The following AUTS2 variants were observed in gnomAD, a reference collection of about 807,000 sequenced individuals.
AUTS2 encodes the protein activator of transcription and developmental regulator AUTS2, also known as autism susceptibility gene 2 protein.
In AUTS2, 17 loss-of-function variants were observed where a neutral mutation model predicts 112.4. The ratio of observed to expected loss-of-function variants is 0.15; its 90% CI spans 0.10 to 0.23. The LOEUF (loss-of-function observed/expected upper bound fraction) is 0.23, where lower values mean the gene tolerates loss of function less well. Among genes scored for constraint, AUTS2 ranks in the 10% least tolerant of loss-of-function variants. The probability of loss-of-function intolerance (pLI) is 1.00; values close to 1 mark genes in which losing one functional copy is unlikely to be tolerated. For missense variants in AUTS2, 1,510 were observed against 1,701.6 expected (o/e 0.89, Z 1.98); for synonymous variants, 751 against 702.7 (o/e 1.07, Z -1.09).
intron 2 of AUTS2, among the ~76,000 whole-genome samples, chr7:70,099,775 T>G (rs1296872746): frequency 6.6e-6 from 1 of 152,202 alleles, no homozygotes. Context: ...AACATTTTCT[T>G]GTAGTATTTC....
chr7:69,631,814 C>T (rs141336263), intron 1 of AUTS2, among the ~76,000 whole-genome samples: 2 of 152,316 alleles, frequency 1.3e-5, no homozygotes, highest in Non-Finnish European at 2.9e-5. Flanking sequence ...TCTTTAACTG[C>T]TGTGGAAAGT....
At chr7:69,689,458 C>A (rs1797217024) in intron 1 of AUTS2, among the ~76,000 whole-genome samples, 1 of 138,338 alleles carries the variant, frequency 7.2e-6, no homozygotes, top group African/African-American at 2.7e-5. Flanking sequence ...TCAAGCGATT[C>A]TTCTGCCTCA....
intron 4 of AUTS2, among the ~76,000 whole-genome samples, chr7:70,258,841 G>A (rs929993884): frequency 1.3e-5 from 2 of 152,132 alleles, no homozygotes; most frequent in East Asian, 1.9e-4. Context: ...TTTTGAATAC[G>A]TTTTGTATTG....
intron 5 of AUTS2, among the ~76,000 whole-genome samples, chr7:70,463,682 G>C (rs1797062736): frequency 6.6e-6 from 1 of 152,164 alleles, no homozygotes; most frequent in Non-Finnish European, 1.5e-5. Flanking sequence ...CTTGCTCTTT[G>C]GTAGATTGAG....
rs1335201756 is a variant in AUTS2, at chr7:70,766,329, C to T, written c.1684C>T (p.Pro562Ser). 1 of 1,614,034 alleles carries T rather than the reference C, an allele frequency of 6.2e-7. No homozygotes were observed. The highest frequency in any genetic ancestry group is 1.7e-5 in the Admixed American group (1 of 60,016). The stretch of plus-strand genomic sequence containing the variant: ...CGCCATCATGCCGACGCCAGCACCT[C>T]CCATGGTGCGTACCCCAGGCAGAAA... ...PTAIMPTPAP[P>S]MFDKYPTKVD... Residue 562 changes from proline to serine, a missense_variant, in exon 9 of 19, where the codon CCC becomes TCC. This residue lies in a region of AUTS2 where 187 missense variants were observed against 309.7 expected (regional missense o/e 0.60). Coordinates refer to ENST00000342771, the MANE Select transcript of AUTS2 (RefSeq NM_015570.4). This position sits in a 1 kb window ranked among gnomAD's most constrained non-coding sequence, Gnocchi z 4.8.
intron 4 of AUTS2, among the ~76,000 whole-genome samples, chr7:70,313,135 T>C (rs1789837237): frequency 6.6e-6 from 1 of 152,196 alleles, no homozygotes; most frequent in South Asian, 2.1e-4. Context: ...GAATTAGTCA[T>C]ACAAAATTCT....
intron 6 of AUTS2, among the ~76,000 whole-genome samples, chr7:70,758,631 A>G (rs1405055290): frequency 1.3e-5 from 2 of 152,204 alleles, no homozygotes; most frequent in Non-Finnish European, 2.9e-5. Context: ...TTAAACCCCA[A>G]AATGTAATGA....
At chr7:70,545,549 C>A (rs1800737099) in intron 5 of AUTS2, among the ~76,000 whole-genome samples, 1 of 152,246 alleles carries the variant, frequency 6.6e-6, no homozygotes, top group Non-Finnish European at 1.5e-5. Flanking sequence ...ATTCACCCTT[C>A]TGTGGATGAG....
At chr7:70,096,407 G>A (rs977919233) in intron 2 of AUTS2, among the ~76,000 whole-genome samples, 1 of 151,564 alleles carries the variant, frequency 6.6e-6, no homozygotes, top group Non-Finnish European at 1.5e-5. Flanking sequence ...GACCAGCCTC[G>A]CCAACATAGT....
intron 4 of AUTS2, among the ~76,000 whole-genome samples, chr7:70,324,994 G>A (rs1276299931): frequency 6.6e-6 from 1 of 152,162 alleles, no homozygotes; most frequent in African/African-American, 2.4e-5. Flanking sequence ...GTGAGGCCCA[G>A]TGAAAACCCA....
At chr7:69,816,401 A>T (rs1412337802) in intron 1 of AUTS2, among the ~76,000 whole-genome samples, 1 of 152,166 alleles carries the variant, frequency 6.6e-6, no homozygotes, top group Non-Finnish European at 1.5e-5. Context: ...TTTGTCTAGG[A>T]CGGAGCTGAA....
In AUTS2 at chr7:70,766,189, G is replaced by A. The variant is rs1789928846; in HGVS notation, c.1544G>A (p.Gly515Asp). ...SQSADRGASL[G>D]PPPYLRTEFH... ...AGTGCTGACCGCGGGGCTTCCCTGG[G>A]CCCTCCGCCCTACCTGCGGACCGAG... The change falls in exon 9 of 19, where the codon GGC (glycine) becomes GAC (aspartate). Residue 515 changes from glycine (G) to aspartate (D), a missense_variant. Transcript: ENST00000342771. This position sits in a 1 kb window ranked among gnomAD's most constrained non-coding sequence, Gnocchi z 4.8. The A allele has an allele frequency of 1.2e-6, 2 of 1,614,102 alleles. No individual in the cohort carries two copies. The highest frequency in any genetic ancestry group is 8.5e-7 in the Non-Finnish European group (1 of 1,180,008).
intron 4 of AUTS2, among the ~76,000 whole-genome samples, chr7:70,136,112 A>C (rs1326232653): frequency 1.3e-5 from 2 of 152,124 alleles, no homozygotes; most frequent in Non-Finnish European, 2.9e-5. Context: ...TTTTCTCTCT[A>C]GTTCCAAGAA....
chr7:69,798,107 C>T (rs1273464462), intron 1 of AUTS2, among the ~76,000 whole-genome samples: 1 of 152,026 alleles, frequency 6.6e-6, no homozygotes, highest in African/African-American at 2.4e-5. Context: ...CTTCTGTCTG[C>T]GTGACAGGCA....
intron 6 of AUTS2, among the ~76,000 whole-genome samples, chr7:70,701,258 G>C (rs532692615): frequency 6.6e-6 from 1 of 152,210 alleles, no homozygotes; most frequent in Non-Finnish European, 1.5e-5. Flanking sequence ...GGGTTGGGGG[G>C]GCGCAGCCCT....
intron 5 of AUTS2, among the ~76,000 whole-genome samples, chr7:70,592,726 C>T (rs1255196973): frequency 6.6e-6 from 1 of 152,144 alleles, no homozygotes; most frequent in Non-Finnish European, 1.5e-5. Context: ...TCTACCCCTA[C>T]CCTACCCATG....
At chr7:70,609,204 C>A (rs1803940490) in intron 5 of AUTS2, among the ~76,000 whole-genome samples, 1 of 152,242 alleles carries the variant, frequency 6.6e-6, no homozygotes, top group East Asian at 1.9e-4. Context: ...CATCCTTTGA[C>A]CAACACTTCC....
At chr7:70,600,507 C>G (rs1803423025) in intron 5 of AUTS2, among the ~76,000 whole-genome samples, 1 of 152,172 alleles carries the variant, frequency 6.6e-6, no homozygotes, top group East Asian at 1.9e-4. Context: ...AACTCCTGAC[C>G]TGAAGTGATC....
intron 1 of AUTS2, among the ~76,000 whole-genome samples, chr7:69,634,986 G>A (rs865916776): frequency 4.0e-4 from 58 of 144,064 alleles, no homozygotes; most frequent in African/African-American, 1.5e-3. Flanking sequence ...TCAAAGTCTA[G>A]ATCCGCTCCT....
Sources: gnomAD v4.1 joint callset for allele counts (sites outside exome capture counted in the v4.1 genomes callset) on GRCh38, gnomAD v4.1.1 for gene constraint, gnomAD v4.1.1 regional missense constraint, Gnocchi (gnomAD v3.1) non-coding constraint, MANE v1.5 for transcripts, NCBI Gene and HGNC (gene_info 2026-07-23, HGNC 2026-07-21) for gene names.